Variants in ENPP2 observed in about 807,000 individuals in gnomAD.
The protein encoded by ENPP2 is ectonucleotide pyrophosphatase/phosphodiesterase 2.
Under a neutral mutation model 120.2 loss-of-function variants are expected in ENPP2, and 51 were observed. The observed-to-expected ratio is 0.42, with a 90% confidence interval of 0.34 to 0.54. ENPP2 has a LOEUF of 0.54. Among genes scored for constraint, ENPP2 ranks in the 20% least tolerant of loss-of-function variants. The pLI, the probability that ENPP2 is intolerant of heterozygous loss-of-function variation, is 0.04. For missense variants in ENPP2, 920 were observed against 1,066.5 expected, an observed-to-expected ratio of 0.86 and a Z score of 1.91; for synonymous variants, 365 against 366.4, an observed-to-expected ratio of 1.00 and a Z score of 0.04.
chr8:119,617,472 T>G lies in ENPP2; in HGVS notation c.571A>C (p.Lys191Gln). ...KGSKVMPNIE[K>Q]LRSCGTHSPY... ...GAGTATGGAAATTACTTACTTAGTT[T>G]TTCAATATTAGGCATGACTTTGCTG... Residue 191 changes from lysine to glutamine, a missense_variant, in exon 6 of 25, where the codon AAA becomes CAA. Transcript: ENST00000075322. The G allele has an allele frequency of 6.2e-7, 1 of 1,604,240 alleles. No individual in the cohort carries two copies. Among genetic ancestry groups the G allele is most frequent in the Non-Finnish European group, 8.5e-7 (1 of 1,171,802 alleles).
rs762943203 is a variant in ENPP2, at chr8:119,617,542, G to A, written c.501C>T (p.Ile167=). The change falls in exon 6 of 25, where the codon ATC becomes ATT. Residue 167 remains isoleucine (I), a synonymous_variant. Transcript: ENST00000075322. ...CPAGFVRPPL[I]IFSVDGFRAS... ...CACGGAAGCCATCCACGGAGAAGAT[G>A]ATTAATGGAGGGCGAACAAACCTTA... 3.7e-6 allele frequency: 6 copies of A among 1,613,214 alleles called. No individual in the cohort carries two copies. In the Admixed American group the frequency reaches 8.3e-5, roughly 22 times the overall value.
chr8:119,620,713 T>A (rs965430845), intron 4 of ENPP2, among the ~76,000 whole-genome samples: 1 of 152,224 alleles, frequency 6.6e-6, no homozygotes, highest in African/African-American at 2.4e-5. Context: ...GTCCATTAAC[T>A]ATTGTTAATT....
chr8:119,607,704 T>C lies in ENPP2; in HGVS notation c.833+218A>G, dbSNP rs113890359. Among the ~76,000 whole-genome samples the C allele has an allele frequency of 1.1e-3, 154 of 146,054 alleles. 1 individual carries two copies. The highest frequency in any genetic ancestry group is 3.8e-3 in the African/African-American group (150 of 39,806). Reference sequence around the variant, plus strand: ...AAAAAAAAAATAGAGAGAGACAGGATGGAAAAAAGGAGAGCTGGAGGACAA... The same window carrying C: ...AAAAAAAAAATAGAGAGAGACAGGACGGAAAAAAGGAGAGCTGGAGGACAA... On this transcript the variant is annotated intron_variant, in intron 9 of 24. Coordinates refer to ENST00000075322, the MANE Select transcript of ENPP2 (RefSeq NM_001040092.3).
chr8:119,647,147 C>G (rs1016050413), intron 1 of ENPP2, among the ~76,000 whole-genome samples: 2 of 152,084 alleles, frequency 1.3e-5, no homozygotes, highest in Admixed American at 6.6e-5. Context: ...CCGGCACCCA[C>G]CACAACACCC....
intron 8 of ENPP2, among the ~76,000 whole-genome samples, chr8:119,611,365 T>C (rs1331062272): frequency 6.6e-6 from 1 of 152,170 alleles, no homozygotes; most frequent in East Asian, 1.9e-4. Context: ...GTGGAGCACT[T>C]GCTTCAGCAG....
At position 119,578,110 on chromosome 8, in the gene ENPP2, G is replaced by A. The variant is rs921523830; in HGVS notation, c.1780+2006C>T. Among the ~76,000 whole-genome samples, 10 of 152,270 alleles carry A rather than the reference G, an allele frequency of 6.6e-5. No homozygotes were observed. In the South Asian group the frequency reaches 1.2e-3, roughly 19 times the overall value. On this transcript the variant is annotated intron_variant, in intron 19 of 24. Coordinates refer to ENST00000075322, the MANE Select transcript of ENPP2 (RefSeq NM_001040092.3). The stretch of plus-strand genomic sequence containing the variant: ...CTGTCGCCCAGGTTGCAGTGCAGTG[G>A]TGCGATCTCAGCTCACTGCAACCTC...
At chr8:119,586,588 C>A (rs543615998) in intron 14 of ENPP2, among the ~76,000 whole-genome samples, 1 of 151,960 alleles carries the variant, frequency 6.6e-6, no homozygotes, top group African/African-American at 2.4e-5. Flanking sequence ...GAGCAATTCA[C>A]ACTCCAAGGC....
chr8:119,657,712 T>C (rs570590531), intron 1 of ENPP2, among the ~76,000 whole-genome samples: 30 of 152,322 alleles, frequency 2.0e-4, no homozygotes, highest in Admixed American at 1.4e-3. Flanking sequence ...GCCTCTTTAT[T>C]AGACGTGTGT....
chr8:119,618,239 G>A (rs552242406), intron 5 of ENPP2: 116 of 480,002 alleles, frequency 2.4e-4, no homozygotes, highest in South Asian at 1.7e-3. Flanking sequence ...GATCATTTTT[G>A]TTCCGGGGAT....
chr8:119,587,154 A>C, intron 13 of ENPP2, 79 bp from the exon 14 acceptor site: 3 of 1,163,258 alleles, frequency 2.6e-6, no homozygotes, highest in Non-Finnish European at 2.5e-6. Flanking sequence ...CAAGATACTC[A>C]ATTCTTTCTC....
intron 8 of ENPP2, among the ~76,000 whole-genome samples, chr8:119,609,098 G>A: frequency 6.6e-6 from 1 of 152,196 alleles, no homozygotes; most frequent in Non-Finnish European, 1.5e-5. Flanking sequence ...ACCAGCCTTT[G>A]AGAGTATCCT....
At chr8:119,655,338 G>T (rs1326458986) in intron 1 of ENPP2, among the ~76,000 whole-genome samples, 1 of 152,170 alleles carries the variant, frequency 6.6e-6, no homozygotes, top group African/African-American at 2.4e-5. Flanking sequence ...TGCCAACAGA[G>T]TATTATGCAA....
At chr8:119,635,921 A>G (rs1044135013) in intron 2 of ENPP2, among the ~76,000 whole-genome samples, 2 of 152,208 alleles carry the variant, frequency 1.3e-5, no homozygotes, top group African/African-American at 4.8e-5. Flanking sequence ...TGTACAGAAC[A>G]TTCTCAGCTA....
chr8:119,635,483 A>C (rs2130826761), intron 2 of ENPP2, among the ~76,000 whole-genome samples: 1 of 152,356 alleles, frequency 6.6e-6, no homozygotes, highest in East Asian at 1.9e-4. Context: ...ATAACACCAC[A>C]AACATACACA....
intron 1 of ENPP2, among the ~76,000 whole-genome samples, chr8:119,662,198 T>G (rs1817941043): frequency 6.6e-6 from 1 of 152,138 alleles, no homozygotes; most frequent in African/African-American, 2.4e-5. Flanking sequence ...TCATCACCAA[T>G]GATAAGGATG....
At chr8:119,594,080 C>G (rs537289908) in intron 11 of ENPP2, among the ~76,000 whole-genome samples, 6 of 152,274 alleles carry the variant, frequency 3.9e-5, no homozygotes, top group African/African-American at 1.4e-4. Flanking sequence ...CATCCAATCC[C>G]TTTAAAGATT....
At chr8:119,652,338 G>A (rs72688237) in intron 1 of ENPP2, among the ~76,000 whole-genome samples, 13,668 of 152,134 alleles carry the variant, frequency 0.09, 873 homozygotes, top group South Asian at 0.19. Context: ...TATGAATTTG[G>A]GAAGGACATA....
At chr8:119,638,552 G>C (rs1332100330) in intron 1 of ENPP2, 25 bp from the exon 2 acceptor site, 1 of 1,358,404 alleles carries the variant, frequency 7.4e-7, no homozygotes, top group Non-Finnish European at 1.1e-6. Flanking sequence ...AGACCAAGTT[G>C]TCAAATACAG....
chr8:119,651,498 GA>G (rs1407755317), intron 1 of ENPP2, among the ~76,000 whole-genome samples: 1 of 152,134 alleles, frequency 6.6e-6, no homozygotes, highest in African/African-American at 2.4e-5. Flanking sequence ...TTAAGTGGGG[GA>G]ATCATCTTTT....
Sources: allele counts gnomAD v4.1 joint callset (sites outside exome capture counted in the v4.1 genomes callset), GRCh38; gene constraint gnomAD v4.1.1; transcripts MANE v1.5; gene names NCBI Gene and HGNC (gene_info 2026-07-23, HGNC 2026-07-21).